Variants in ARHGEF28 observed in about 807,000 individuals in gnomAD.
The protein encoded by ARHGEF28 is Rho guanine nucleotide exchange factor 28.
Under a neutral mutation model 206.6 loss-of-function variants are expected in ARHGEF28, and 152 were observed. The ratio of observed to expected loss-of-function variants is 0.74; its 90% confidence interval spans 0.64 to 0.84. ARHGEF28 has a LOEUF of 0.84. Ranked by LOEUF, ARHGEF28 falls within the 40% of genes least tolerant of loss-of-function variation. The probability of loss-of-function intolerance (pLI) is 0.00; values close to 1 mark genes in which losing one functional copy is unlikely to be tolerated. For synonymous variants in ARHGEF28, 763 were observed against 776.4 expected (o/e 0.98, Z 0.29); for missense variants, 2,028 against 2,073.2 (o/e 0.98, Z 0.42).
intron 1 of ARHGEF28, among the ~76,000 whole-genome samples, chr5:73,637,160 C>T (rs1382863590): frequency 6.6e-6 from 1 of 152,100 alleles, no homozygotes; most frequent in East Asian, 1.9e-4. Context: ...ACATATTGAA[C>T]TTAATGTACC....
At chr5:73,773,685 C>A (rs1219838584) in intron 4 of ARHGEF28, among the ~76,000 whole-genome samples, 170 bp from the exon 5 acceptor site, 1 of 152,208 alleles carries the variant, frequency 6.6e-6, no homozygotes, top group Non-Finnish European at 1.5e-5. Context: ...TCACAAAAAT[C>A]TTGAACTCTC....
chr5:73,926,358 G>A (rs983635797), intron 35 of ARHGEF28, among the ~76,000 whole-genome samples: 33 of 152,180 alleles, frequency 2.2e-4, no homozygotes, highest in African/African-American at 7.0e-4. Context: ...GGCAGCATGT[G>A]CAGGTAAAAT....
At chr5:73,721,097 G>T (rs546680605) in intron 2 of ARHGEF28, among the ~76,000 whole-genome samples, 1 of 152,294 alleles carries the variant, frequency 6.6e-6, no homozygotes, top group Admixed American at 6.5e-5. Context: ...GGAAATTCTT[G>T]AATCTGGACA....
chr5:73,640,727 T>A (rs1391957055), intron 1 of ARHGEF28, among the ~76,000 whole-genome samples: 2 of 152,188 alleles, frequency 1.3e-5, no homozygotes, highest in African/African-American at 4.8e-5. Context: ...ACCAGCCCTT[T>A]AGATAAAACT....
At chr5:73,715,992 T>TGA (rs1749562048) in intron 2 of ARHGEF28, among the ~76,000 whole-genome samples, 1 of 152,244 alleles carries the variant, frequency 6.6e-6, no homozygotes, top group Non-Finnish European at 1.5e-5. Flanking sequence ...AGATGAGGCG[T>TGA]TATCAGTTTA....
intron 5 of ARHGEF28, among the ~76,000 whole-genome samples, chr5:73,775,957 TTG>T (rs1753517505): frequency 6.6e-6 from 1 of 152,206 alleles, no homozygotes; most frequent in Non-Finnish European, 1.5e-5. Flanking sequence ...TGTCGTTCCT[TTG>T]TGTGTGAGTG....
intron 6 of ARHGEF28, chr5:73,780,375 C>T (rs376037627): frequency 1.9e-5 from 6 of 317,866 alleles, no homozygotes; most frequent in East Asian, 1.3e-4. Flanking sequence ...TCAAGATTTT[C>T]GGTTCTCTTT....
chr5:73,776,519 T>C lies in ARHGEF28; in HGVS notation c.663T>C (p.Phe221=). ...GTTTTGATTTGTGTTGTTTCAGTTT[T>C]CAGGGCAGATGGTCCCCAAGCTTCT... The part of the protein sequence containing the change: ...HSKLVEDVTN[F]QGRWSPSFSR... Residue 221 remains phenylalanine, a synonymous_variant, in exon 6 of 36, where the codon TTT becomes TTC. Coordinates refer to ENST00000513042, the MANE Select transcript of ARHGEF28 (RefSeq NM_001177693.2). The C allele has an allele frequency of 1.2e-6, 2 of 1,609,978 alleles. No homozygotes were observed. The highest frequency in any genetic ancestry group is 1.7e-6 in the Non-Finnish European group (2 of 1,177,492).
At chr5:73,926,817 T>A (rs1436887487) in intron 35 of ARHGEF28, among the ~76,000 whole-genome samples, 2 of 152,176 alleles carry the variant, frequency 1.3e-5, no homozygotes, top group Admixed American at 6.5e-5. Flanking sequence ...TTATTCTACT[T>A]GTCTGTGTAT....
At chr5:73,654,304 G>C (rs1745031996) in intron 1 of ARHGEF28, among the ~76,000 whole-genome samples, 1 of 152,216 alleles carries the variant, frequency 6.6e-6, no homozygotes, top group Non-Finnish European at 1.5e-5. Flanking sequence ...ATAAATGTCT[G>C]CTCTGGAGAA....
intron 22 of ARHGEF28, among the ~76,000 whole-genome samples, chr5:73,877,399 G>A (rs1159822990): frequency 1.3e-5 from 2 of 149,248 alleles, no homozygotes; most frequent in Non-Finnish European, 3.0e-5. Context: ...TTTTTTGAAG[G>A]GTTTTTTGCG....
intron 12 of ARHGEF28, 103 bp downstream of exon 12, chr5:73,846,578 T>A: frequency 9.2e-7 from 1 of 1,086,840 alleles, no homozygotes. Context: ...TATTCATACA[T>A]ATGAACTATT....
chr5:73,695,033 T>A (rs1242788708), intron 2 of ARHGEF28, among the ~76,000 whole-genome samples: 1 of 152,164 alleles, frequency 6.6e-6, no homozygotes, highest in Non-Finnish European at 1.5e-5. Context: ...CTCTCTGGGA[T>A]CTCCTGGAGA....
intron 23 of ARHGEF28, among the ~76,000 whole-genome samples, chr5:73,883,478 A>T (rs1761079408): frequency 6.6e-6 from 1 of 152,190 alleles, no homozygotes; most frequent in African/African-American, 2.4e-5. Context: ...TTTTTCAAAA[A>T]TTTTGCTATT....
intron 1 of ARHGEF28, among the ~76,000 whole-genome samples, chr5:73,626,919 CT>C (rs1743048081): frequency 6.6e-6 from 1 of 152,156 alleles, no homozygotes; most frequent in African/African-American, 2.4e-5. Flanking sequence ...TTTGTTTCCC[CT>C]TAAATACCCG....
intron 35 of ARHGEF28, among the ~76,000 whole-genome samples, chr5:73,933,415 A>G (rs1297161217): frequency 6.6e-6 from 1 of 152,228 alleles, no homozygotes; most frequent in Admixed American, 6.5e-5. Context: ...AAATAGATAT[A>G]AATCCATACA....
At chr5:73,920,616 C>T (rs1241140836) in intron 35 of ARHGEF28, among the ~76,000 whole-genome samples, 2 of 138,412 alleles carry the variant, frequency 1.4e-5, no homozygotes, top group Non-Finnish European at 3.0e-5. Context: ...GTGGCGCTAT[C>T]CCGGCTCACT....
chr5:73,911,017 A>G (rs1008705385), intron 34 of ARHGEF28, among the ~76,000 whole-genome samples: 3 of 152,250 alleles, frequency 2.0e-5, no homozygotes, highest in African/African-American at 7.2e-5. Flanking sequence ...TGATTAAAAT[A>G]AAGTGGAAAC....
rs368580325 is a variant in ARHGEF28, at chr5:73,762,854, C to G, written c.475+9652C>G. On this transcript the variant is annotated intron_variant, in intron 4 of 35. Transcript: ENST00000513042. Reference sequence around the variant, plus strand: ...AATCTAGGTTCAAATCCTTCATGTTCCATATACTACTTAAGTGAGCCTAAG... The same window carrying G: ...AATCTAGGTTCAAATCCTTCATGTTGCATATACTACTTAAGTGAGCCTAAG... 7.2e-5 allele frequency among the ~76,000 whole-genome samples: 11 copies of G among 152,258 alleles called. No homozygotes were observed. The East Asian group carries it at 1.9e-3, about 27-fold the overall frequency.
Sources: allele counts gnomAD v4.1 joint callset (sites outside exome capture counted in the v4.1 genomes callset), GRCh38; gene constraint gnomAD v4.1.1; transcripts MANE v1.5; gene names NCBI Gene and HGNC (gene_info 2026-07-23, HGNC 2026-07-21).